OPCML: variants seen among roughly 807,000 people sequenced by gnomAD.
OPCML encodes the protein opioid binding protein/cell adhesion molecule like, also known as opioid-binding protein/cell adhesion molecule.
OPCML carries 13 observed loss-of-function variants against 37.8 expected under a neutral mutation model. The ratio of observed to expected loss-of-function variants is 0.34; its 90% CI spans 0.22 to 0.55. The LOEUF (loss-of-function observed/expected upper bound fraction) is 0.55. Among genes scored for constraint, OPCML ranks in the 20% least tolerant of loss-of-function variants. The pLI is 0.91. For synonymous variants in OPCML, 176 were observed against 168.8 expected, an observed-to-expected ratio of 1.04 and a Z score of -0.33; for missense variants, 341 against 435.6, an observed-to-expected ratio of 0.78 and a Z score of 1.93.
intron 1 of OPCML, among the ~76,000 whole-genome samples, chr11:133,447,555 T>G (rs1471610095): frequency 6.6e-6 from 1 of 152,200 alleles, no homozygotes. Flanking sequence ...CATTGTCTAT[T>G]GTTGCCATTT....
intron 3 of OPCML, among the ~76,000 whole-genome samples, chr11:132,624,803 C>T (rs776516150): frequency 1.9e-4 from 29 of 152,178 alleles, no homozygotes; most frequent in Admixed American, 8.5e-4. Flanking sequence ...CTCATACTCA[C>T]TCCTGCTCTT....
At chr11:132,624,060 G>A (rs1429858086) in intron 3 of OPCML, among the ~76,000 whole-genome samples, 1 of 152,208 alleles carries the variant, frequency 6.6e-6, no homozygotes, top group Non-Finnish European at 1.5e-5. Context: ...AACATCTAAT[G>A]TTTTGGTGAG....
intron 1 of OPCML, among the ~76,000 whole-genome samples, chr11:133,221,529 G>A (rs528752464): frequency 9.2e-5 from 14 of 152,252 alleles, no homozygotes; most frequent in East Asian, 1.9e-4. Context: ...GGGGGTATTC[G>A]GAAACGCTGA....
chr11:133,461,353 CA>C (rs1946854265), intron 1 of OPCML, among the ~76,000 whole-genome samples: 1 of 151,838 alleles, frequency 6.6e-6, no homozygotes, highest in African/African-American at 2.4e-5. Context: ...CACCCACACA[CA>C]AAACACTGTT....
chr11:132,743,420 A>C (rs1265397633), intron 2 of OPCML, among the ~76,000 whole-genome samples: 9 of 152,138 alleles, frequency 5.9e-5, no homozygotes, highest in Non-Finnish European at 1.0e-4. Context: ...CTCCCTCAGA[A>C]ACCCTCCAGG....
At chr11:132,579,382 AAT>A (rs1491560274) in intron 3 of OPCML, among the ~76,000 whole-genome samples, 3 of 103,174 alleles carry the variant, frequency 2.9e-5, no homozygotes, top group South Asian at 4.1e-4. Flanking sequence ...AGTTAGAATG[AAT>A]ATGTGTGTGT....
At chr11:132,752,869 T>C (rs1031129023) in intron 2 of OPCML, among the ~76,000 whole-genome samples, 1 of 152,168 alleles carries the variant, frequency 6.6e-6, no homozygotes, top group Non-Finnish European at 1.5e-5. Flanking sequence ...TTGGCTCTTG[T>C]TGAGTCCACC....
rs965520731 is a variant in OPCML, at chr11:132,416,465, T to G, written c.*3728A>C. 1.3e-5 allele frequency: 2 copies of G among 152,236 alleles called. No individual in the cohort carries two copies. The highest frequency in any genetic ancestry group is 1.5e-5 in the Non-Finnish European group (1 of 68,044). 9.4% of individuals were successfully genotyped at this position (152,236 alleles called of 1,614,324 possible). A position where few individuals can be genotyped will look rare whatever the true frequency, so the allele number is the denominator to read the frequency against. ...GGGGTTCTCTGCTTTTCTCATGGAA[T>G]AGTTCTTTCAGCATAAATAGAACTT... On this transcript the variant is annotated 3_prime_UTR_variant, in exon 8 of 8. Transcript: ENST00000524381.
intron 1 of OPCML, among the ~76,000 whole-genome samples, chr11:133,305,674 G>A (rs1942897339): frequency 4.6e-5 from 7 of 152,138 alleles, no homozygotes; most frequent in Admixed American, 4.6e-4. Context: ...ATGTAGACCA[G>A]CATCTGCTCT....
chr11:132,665,340 G>A (rs987572439), intron 2 of OPCML, among the ~76,000 whole-genome samples: 6 of 152,166 alleles, frequency 3.9e-5, no homozygotes, highest in South Asian at 2.1e-4. Flanking sequence ...GTGTCCTGAC[G>A]CAAACAAGGG....
chr11:133,270,500 A>T (rs1167238666), intron 1 of OPCML, among the ~76,000 whole-genome samples: 2 of 152,198 alleles, frequency 1.3e-5, no homozygotes, highest in Non-Finnish European at 2.9e-5. Flanking sequence ...TTTAGGAAAG[A>T]AATACTAAGT....
Position 133,352,865 on chromosome 11 carries a change from C to G in OPCML, c.61+179399G>C, listed in dbSNP as rs141029981. Reference sequence around the variant, plus strand: ...TCAGCAGGAATAGGTTCAAATCAAACTTCATGACCTTGGGACAATTACAAA... The same window carrying G: ...TCAGCAGGAATAGGTTCAAATCAAAGTTCATGACCTTGGGACAATTACAAA... On this transcript the variant is annotated intron_variant, in intron 1 of 7. Transcript: ENST00000524381. 2.2e-3 allele frequency among the ~76,000 whole-genome samples: 338 copies of G among 152,276 alleles called. 2 individuals are homozygous for G. The highest frequency in any genetic ancestry group is 7.9e-3 in the African/African-American group (327 of 41,556).
At chr11:132,665,712 C>T (rs948126220) in intron 2 of OPCML, among the ~76,000 whole-genome samples, 2 of 152,154 alleles carry the variant, frequency 1.3e-5, no homozygotes, top group Admixed American at 1.3e-4. Context: ...CTGGTTTCTT[C>T]CCAGGCTCCA....
chr11:132,633,005 A>G, intron 3 of OPCML, among the ~76,000 whole-genome samples: 1 of 151,710 alleles, frequency 6.6e-6, no homozygotes, highest in Non-Finnish European at 1.5e-5. Context: ...GCCTCATGAC[A>G]AGTGAGTCAG....
intron 2 of OPCML, among the ~76,000 whole-genome samples, chr11:132,711,711 CAT>C (rs1441978757): frequency 6.6e-6 from 1 of 152,092 alleles, no homozygotes; most frequent in African/African-American, 2.4e-5. Flanking sequence ...TGTACATATA[CAT>C]GTGTGTGGTA....
chr11:132,796,722 C>T (rs894433441), intron 2 of OPCML, among the ~76,000 whole-genome samples: 2 of 151,880 alleles, frequency 1.3e-5, no homozygotes, highest in East Asian at 1.9e-4. Flanking sequence ...GGACTACAGG[C>T]GCCAGCCGCC....
chr11:132,837,510 AG>A (rs1941083888), intron 2 of OPCML, among the ~76,000 whole-genome samples: 1 of 152,166 alleles, frequency 6.6e-6, no homozygotes, highest in South Asian at 2.1e-4. Context: ...ACCTAGCTAT[AG>A]GGGGAAAATG....
At chr11:133,204,754 A>C (rs1938956423) in intron 1 of OPCML, among the ~76,000 whole-genome samples, 1 of 151,690 alleles carries the variant, frequency 6.6e-6, no homozygotes, top group Non-Finnish European at 1.5e-5. Flanking sequence ...TGTAGCTGTT[A>C]TTTCTCAGAA....
At chr11:132,677,156 C>A (rs972891984) in intron 2 of OPCML, among the ~76,000 whole-genome samples, 1 of 151,902 alleles carries the variant, frequency 6.6e-6, no homozygotes. Context: ...GATATTAGCA[C>A]TCCCAAAATG....
Sources: gnomAD v4.1 joint callset for allele counts (sites outside exome capture counted in the v4.1 genomes callset) on GRCh38, gnomAD v4.1.1 for gene constraint, MANE v1.5 for transcripts, NCBI Gene and HGNC (gene_info 2026-07-23, HGNC 2026-07-21) for gene names.